The following ADNP variants were observed in gnomAD, a reference collection of about 807,000 sequenced individuals.
ADNP encodes the protein activity-dependent neuroprotector homeobox protein.
A neutral mutation model predicts 84.9 loss-of-function variants in ADNP; 4 were observed. The ratio of observed to expected loss-of-function variants is 0.05; its 90% CI spans 0.02 to 0.11. The LOEUF is 0.11. Among genes scored for constraint, ADNP ranks in the 10% least tolerant of loss-of-function variants. The pLI is 1.00. For synonymous variants in ADNP, 554 were observed against 468.1 expected (o/e 1.18, Z -2.37); for missense variants, 1,132 against 1,326.0 (o/e 0.85, Z 2.27).
At chr20:50,901,519 A>T (rs1981984250) in intron 5 of ADNP, among the ~76,000 whole-genome samples, 1 of 152,140 alleles carries the variant, frequency 6.6e-6, no homozygotes, top group Non-Finnish European at 1.5e-5. Context: ...TCATCTATTG[A>T]TACTTGCTGG....
intron 2 of ADNP, among the ~76,000 whole-genome samples, chr20:50,926,534 T>A (rs1600998520): frequency 6.6e-6 from 1 of 152,346 alleles, no homozygotes; most frequent in Admixed American, 6.5e-5. Flanking sequence ...TTAATTCTGG[T>A]ATTTTTTTAC....
Position 50,893,828 on chromosome 20 carries a change from G to A in ADNP, c.886C>T (p.Arg296Trp), listed in dbSNP as rs1449967098. Residue 296 changes from arginine (R) to tryptophan (W), a missense_variant, in exon 6 of 6, where the codon CGG (arginine) becomes TGG (tryptophan). Arg to Trp is a moderately radical substitution (Grantham distance 101). Transcript: ENST00000621696. This position sits in a 1 kb window ranked among gnomAD's most constrained non-coding sequence, Gnocchi z 4.4. ...RIGSLASGNVRSLPSQQMVNR... is the reference protein window; with the variant it reads ...RIGSLASGNVWSLPSQQMVNR... The stretch of plus-strand genomic sequence containing the variant: ...ACCATCTGCTGTGATGGTAAAGACC[G>A]GACATTTCCAGAAGCAAGGGAACCG... 6 of 1,614,162 alleles carry A rather than the reference G, an allele frequency of 3.7e-6. No individual in the cohort carries two copies. The highest frequency in any genetic ancestry group is 5.1e-6 in the Non-Finnish European group (6 of 1,180,034).
chr20:50,901,588 C>G, intron 5 of ADNP, among the ~76,000 whole-genome samples: 1 of 152,178 alleles, frequency 6.6e-6, no homozygotes, highest in East Asian at 1.9e-4. Flanking sequence ...CTGTCACTGA[C>G]ATCCTACAGA....
intron 2 of ADNP, among the ~76,000 whole-genome samples, chr20:50,906,645 C>A (rs187384128): frequency 1.3e-3 from 198 of 152,338 alleles, no homozygotes; most frequent in Middle Eastern, 3.4e-3. Context: ...AAAACCCATT[C>A]TTCTAAGTGC....
intron 5 of ADNP, among the ~76,000 whole-genome samples, chr20:50,897,453 G>A (rs1981527436): frequency 1.3e-5 from 2 of 151,946 alleles, no homozygotes; most frequent in Admixed American, 1.3e-4. Context: ...CCACACCCCG[G>A]TTAAAGTTGT....
chr20:50,910,892 G>C (rs1982962164), intron 2 of ADNP, among the ~76,000 whole-genome samples: 1 of 152,122 alleles, frequency 6.6e-6, no homozygotes, highest in African/African-American at 2.4e-5. Flanking sequence ...GAGCTCAAGT[G>C]ATCTTCCCAC....
rs1016459553 is a variant in ADNP at position 50,889,215 on chromosome 20, T to C, written c.*2190A>G. On this transcript the variant is annotated 3_prime_UTR_variant, in exon 6 of 6. Transcript: ENST00000621696. ...ACACTTATCTGTGTCTGTTCCGATA[T>C]CCAACTGGGACCTGGACCCCAAGCC... The C allele has an allele frequency of 2.0e-5, 3 of 152,168 alleles. No homozygotes were observed. Among genetic ancestry groups the C allele is most frequent in the Non-Finnish European group, 4.4e-5 (3 of 68,034 alleles). The allele number at this position is 152,168 out of a possible 1,614,324, so 9.4% of individuals were successfully genotyped here. A position where few individuals can be genotyped will look rare whatever the true frequency, so the allele number is the denominator to read the frequency against.
intron 2 of ADNP, among the ~76,000 whole-genome samples, chr20:50,908,155 T>A (rs1208047862): frequency 6.7e-6 from 1 of 150,244 alleles, no homozygotes; most frequent in Non-Finnish European, 1.5e-5. Context: ...CTGTTTTTTT[T>A]TTTTTTTTTT....
At chr20:50,901,321 T>TAAAAAA (rs11470054) in intron 5 of ADNP, among the ~76,000 whole-genome samples, 11 of 92,758 alleles carry the variant, frequency 1.2e-4, no homozygotes, top group African/African-American at 3.3e-4. Context: ...CTGGGGTATT[T>TAAAAAA]AAAAAAAAAA....
intron 2 of ADNP, among the ~76,000 whole-genome samples, chr20:50,919,565 C>T (rs1323475310): frequency 6.6e-6 from 1 of 152,072 alleles, no homozygotes; most frequent in Non-Finnish European, 1.5e-5. Context: ...AAAAGGCTTA[C>T]AGATATGACA....
intron 2 of ADNP, among the ~76,000 whole-genome samples, chr20:50,915,605 T>C (rs1983448736): frequency 6.6e-6 from 1 of 152,150 alleles, no homozygotes. Flanking sequence ...GCAGCTCTGA[T>C]GCCTCCTCCT....
chr20:50,916,424 T>G (rs1983514616), intron 2 of ADNP, among the ~76,000 whole-genome samples: 1 of 152,176 alleles, frequency 6.6e-6, no homozygotes, highest in African/African-American at 2.4e-5. Context: ...CCTAGTCACA[T>G]GACAGCCTTT....
chr20:50,913,384 C>T (rs1983240258), intron 2 of ADNP, among the ~76,000 whole-genome samples: 1 of 146,588 alleles, frequency 6.8e-6, no homozygotes, highest in Admixed American at 6.9e-5. Context: ...ACCCAAGTTA[C>T]TATGTAAGAA....
chr20:50,893,445 C>T lies in ADNP; in HGVS notation c.1269G>A (p.Gln423=), dbSNP rs780843639. The T allele has an allele frequency of 2.5e-6, 4 of 1,614,098 alleles. No individual in the cohort carries two copies. In the South Asian group the frequency reaches 4.4e-5, roughly 18 times the overall value. ...CAGCTGCAGCAGGTTTGGAACTGGA[C>T]TGACCTAACACTCTGGATGCCTGTG... The part of the protein sequence containing the change: ...SQSQASRVLG[Q]SSSKPAAAAT... Residue 423 remains glutamine, a synonymous_variant, in exon 6 of 6, where the codon CAG becomes CAA. Transcript: ENST00000621696. This position sits in a 1 kb window ranked among gnomAD's most constrained non-coding sequence, Gnocchi z 4.4.
In ADNP at chr20:50,891,077, A is replaced by G; in HGVS notation, c.*328T>C. 9.0e-7 allele frequency: 1 copy of G among 1,115,392 alleles called. No homozygotes were observed. The highest frequency in any genetic ancestry group is 1.1e-6 in the Non-Finnish European group (1 of 913,740). The allele number at this position is 1,115,392 out of a possible 1,614,324, so 69.1% of individuals were successfully genotyped here. A position where few individuals can be genotyped will look rare whatever the true frequency, so the allele number is the denominator to read the frequency against. ...CATGTGAATTAGTTTAACACTTCTC[A>G]AAGACATCTGACCAATCATTTCACA... On this transcript the variant is annotated 3_prime_UTR_variant, in exon 6 of 6. Transcript: ENST00000621696.
intron 4 of ADNP, among the ~76,000 whole-genome samples, chr20:50,902,442 T>G (rs1053535254): frequency 2.0e-5 from 3 of 152,110 alleles, no homozygotes; most frequent in Non-Finnish European, 4.4e-5. Flanking sequence ...GTTACAGTAC[T>G]GGAATGGTGT....
intron 2 of ADNP, among the ~76,000 whole-genome samples, chr20:50,907,644 G>A (rs902106629): frequency 2.6e-5 from 4 of 151,312 alleles, no homozygotes; most frequent in African/African-American, 2.4e-5. Flanking sequence ...GTGTAGTGGT[G>A]TAATCATAGC....
chr20:50,891,633 T>C lies in ADNP; in HGVS notation c.3081A>G (p.Lys1027=), dbSNP rs1308188924. ...CTTTTCCATAGGAACTATTCTTCCA[T>C]TTCAACTGCTCTCTGTCACCTTGCA... ...ATMQGDREQL[K]WKNSSYGKVE... is the part of the protein sequence containing the mutation. Residue 1027 remains lysine, a synonymous_variant, in exon 6 of 6, where the codon AAA becomes AAG. Coordinates refer to ENST00000621696, the MANE Select transcript of ADNP (RefSeq NM_001282531.3). 1 of 1,614,202 alleles carries C rather than the reference T, an allele frequency of 6.2e-7. No homozygotes were observed. Among genetic ancestry groups the C allele is most frequent in the South Asian group, 1.1e-5 (1 of 91,086 alleles).
At chr20:50,899,902 A>C (rs1456644514) in intron 5 of ADNP, among the ~76,000 whole-genome samples, 2 of 146,660 alleles carry the variant, frequency 1.4e-5, no homozygotes, top group Non-Finnish European at 1.5e-5. Flanking sequence ...CGGTAGCAAG[A>C]TTCATTATGA....
Sources: gnomAD v4.1 joint callset for allele counts (sites outside exome capture counted in the v4.1 genomes callset) on GRCh38, gnomAD v4.1.1 for gene constraint, Gnocchi (gnomAD v3.1) non-coding constraint, MANE v1.5 for transcripts, NCBI Gene and HGNC (gene_info 2026-07-23, HGNC 2026-07-21) for gene names.